Variants in ADAMTSL3 observed in about 807,000 individuals in gnomAD.
The protein encoded by ADAMTSL3 is ADAMTS like 3, also known as ADAMTS-like protein 3.
ADAMTSL3 carries 128 observed loss-of-function variants against 201.7 expected under a neutral mutation model. That is an observed-to-expected ratio of 0.63 (90% CI 0.55 to 0.73). ADAMTSL3 has a LOEUF of 0.73. ADAMTSL3 is among the 30% of genes least tolerant of loss of function. ADAMTSL3 has a pLI of 0.00. For synonymous variants in ADAMTSL3, 738 were observed against 748.4 expected (o/e 0.99, Z 0.23); for missense variants, 1,990 against 2,119.6 (o/e 0.94, Z 1.20).
At chr15:83,906,367 CA>C (rs1463591614) in intron 15 of ADAMTSL3, among the ~76,000 whole-genome samples, 7 of 152,052 alleles carry the variant, frequency 4.6e-5, no homozygotes, top group Non-Finnish European at 1.0e-4. Flanking sequence ...TCTTCCCATT[CA>C]GGGGCATGTG....
At chr15:83,720,578 G>C (rs139102325) in intron 3 of ADAMTSL3, among the ~76,000 whole-genome samples, 1 of 152,318 alleles carries the variant, frequency 6.6e-6, no homozygotes, top group African/African-American at 2.4e-5. Context: ...TGATTTAGCG[G>C]TTGGTGACAA....
At chr15:83,741,166 A>G (rs1389055756) in intron 3 of ADAMTSL3, among the ~76,000 whole-genome samples, 1 of 151,448 alleles carries the variant, frequency 6.6e-6, no homozygotes, top group Non-Finnish European at 1.5e-5. Flanking sequence ...ACCAAATACT[A>G]AAACTCTAAA....
At chr15:83,679,036 T>C (rs2061444879) in intron 2 of ADAMTSL3, among the ~76,000 whole-genome samples, 1 of 151,438 alleles carries the variant, frequency 6.6e-6, no homozygotes, top group Admixed American at 6.6e-5. Flanking sequence ...ATATTTTCTT[T>C]CTGTTGTTCA....
At chr15:84,004,025 T>C (rs2067848208) in intron 23 of ADAMTSL3, among the ~76,000 whole-genome samples, 1 of 152,210 alleles carries the variant, frequency 6.6e-6, no homozygotes, top group African/African-American at 2.4e-5. Flanking sequence ...CAGGACCTTG[T>C]TAATGGAAGA....
At chr15:83,963,214 G>T (rs1273207230) in intron 19 of ADAMTSL3, among the ~76,000 whole-genome samples, 2 of 152,150 alleles carry the variant, frequency 1.3e-5, no homozygotes, top group Non-Finnish European at 2.9e-5. Context: ...GCCTAGCTCA[G>T]CAGATCCCAC....
In ADAMTSL3 at chr15:84,025,350, C is replaced by G; in HGVS notation, c.4570C>G (p.Pro1524Ala). 6.2e-7 allele frequency: 1 copy of G among 1,614,094 alleles called. No homozygotes were observed. ...KANGTVQVVS[P>A]RACAPKDRPL... is the part of the protein sequence containing the mutation. ...CAATGGAACTGTGCAGGTGGTGTCT[C>G]CAAGAGCATGTGCCCCTAAAGACCG... is the stretch of plus-strand genomic sequence containing the variant. Residue 1524 changes from proline (P) to alanine (A), a missense_variant, in exon 27 of 30, where the codon CCA (proline) becomes GCA (alanine). Pro to Ala is a conservative substitution (Grantham distance 27). Coordinates refer to ENST00000286744, the MANE Select transcript of ADAMTSL3 (RefSeq NM_207517.3).
intron 7 of ADAMTSL3, among the ~76,000 whole-genome samples, chr15:83,838,960 C>G (rs138569766): frequency 2.8e-4 from 42 of 152,320 alleles, no homozygotes; most frequent in Non-Finnish European, 5.0e-4. Context: ...GTAAATAGAT[C>G]AGCATGGCTA....
At chr15:83,999,819 A>C (rs2067757747) in intron 23 of ADAMTSL3, among the ~76,000 whole-genome samples, 1 of 152,226 alleles carries the variant, frequency 6.6e-6, no homozygotes, top group South Asian at 2.1e-4. Context: ...AATATACCTA[A>C]GAATTTTATT....
chr15:84,024,500 G>T (rs1220178518), intron 26 of ADAMTSL3, among the ~76,000 whole-genome samples: 1 of 152,196 alleles, frequency 6.6e-6, no homozygotes, highest in Non-Finnish European at 1.5e-5. Flanking sequence ...TTAAATTTCA[G>T]TTAGAGCTTA....
At chr15:83,771,648 C>T (rs559797886) in intron 3 of ADAMTSL3, among the ~76,000 whole-genome samples, 15 of 152,298 alleles carry the variant, frequency 9.8e-5, no homozygotes, top group South Asian at 2.1e-4. Context: ...CATAGCATTT[C>T]GTTGTGTGTA....
At chr15:83,900,922 T>C (rs1197757924) in intron 15 of ADAMTSL3, among the ~76,000 whole-genome samples, 1 of 152,192 alleles carries the variant, frequency 6.6e-6, no homozygotes, top group Non-Finnish European at 1.5e-5. Flanking sequence ...CTTCATGCAC[T>C]GTTGTTTTTA....
At chr15:83,816,277 G>A (rs1230187994) in intron 5 of ADAMTSL3, among the ~76,000 whole-genome samples, 1 of 152,144 alleles carries the variant, frequency 6.6e-6, no homozygotes, top group Non-Finnish European at 1.5e-5. Flanking sequence ...AGCTCTCTTA[G>A]CTCCAGCTCT....
chr15:83,992,615 A>G (rs536723316), intron 23 of ADAMTSL3, among the ~76,000 whole-genome samples: 5 of 152,356 alleles, frequency 3.3e-5, no homozygotes, highest in South Asian at 4.1e-4. Flanking sequence ...TCAGCTTTCA[A>G]CATGACTTCT....
chr15:83,985,338 C>A (rs187110977), intron 21 of ADAMTSL3, among the ~76,000 whole-genome samples: 21 of 151,968 alleles, frequency 1.4e-4, no homozygotes, highest in Admixed American at 1.3e-4. Flanking sequence ...TCATTGGCAA[C>A]AAATACTGTC....
chr15:83,943,184 A>C (rs2142037980), intron 19 of ADAMTSL3, 102 bp downstream of exon 19: 21 of 1,355,162 alleles, frequency 1.5e-5, no homozygotes, highest in Non-Finnish European at 2.1e-5. Context: ...CTGTGAGATG[A>C]GTATGGGTCC....
chr15:83,674,992 T>G (rs912752013), intron 2 of ADAMTSL3, among the ~76,000 whole-genome samples: 2 of 151,752 alleles, frequency 1.3e-5, no homozygotes, highest in African/African-American at 4.8e-5. Context: ...TATTCTATAT[T>G]TTTTTGGAGT....
At chr15:83,892,244 A>T (rs575307921) in intron 12 of ADAMTSL3, among the ~76,000 whole-genome samples, 4 of 150,462 alleles carry the variant, frequency 2.7e-5, no homozygotes, top group East Asian at 2.0e-4. Context: ...ATTAAAATTT[A>T]AAAAAGGCTG....
At chr15:83,729,775 T>G (rs1392638205) in intron 3 of ADAMTSL3, among the ~76,000 whole-genome samples, 1 of 152,076 alleles carries the variant, frequency 6.6e-6, no homozygotes, top group Non-Finnish European at 1.5e-5. Flanking sequence ...TATACTTTGT[T>G]TGGTAAGGTC....
intron 4 of ADAMTSL3, among the ~76,000 whole-genome samples, chr15:83,789,396 GCATAGTCT>G (rs1245540021): frequency 1.3e-5 from 2 of 151,908 alleles, no homozygotes; most frequent in African/African-American, 4.8e-5. Context: ...TTTTCACCTT[GCATAGTCT>G]CAGTTCCTCC....
Sources: allele counts gnomAD v4.1 joint callset (sites outside exome capture counted in the v4.1 genomes callset), GRCh38; gene constraint gnomAD v4.1.1; transcripts MANE v1.5; gene names NCBI Gene and HGNC (gene_info 2026-07-23, HGNC 2026-07-21).